Variants in SLC35F3 observed in about 807,000 individuals in gnomAD.
SLC35F3 encodes the protein putative thiamine transporter SLC35F3.
SLC35F3 carries 25 observed loss-of-function variants against 49.9 expected under a neutral mutation model. The observed-to-expected ratio is 0.50, with a 90% confidence interval of 0.37 to 0.70. The LOEUF is 0.70. Ranked by LOEUF, SLC35F3 falls within the 30% of genes least tolerant of loss-of-function variation. The pLI, the probability that SLC35F3 is intolerant of heterozygous loss-of-function variation, is 0.00. For synonymous variants in SLC35F3, 275 were observed against 265.4 expected (o/e 1.04, Z -0.35); for missense variants, 525 against 639.8 (o/e 0.82, Z 1.94).
chr1:234,246,376 C>T (rs1035416517), intron 3 of SLC35F3, among the ~76,000 whole-genome samples: 6 of 152,202 alleles, frequency 3.9e-5, no homozygotes, highest in Admixed American at 1.3e-4. Flanking sequence ...CCCCAGACTT[C>T]AGCTGCAGCA....
chr1:234,140,241 TATCTCATCTCATTTC>T, intron 2 of SLC35F3, among the ~76,000 whole-genome samples: 1 of 152,122 alleles, frequency 6.6e-6, no homozygotes, highest in Non-Finnish European at 1.5e-5. Context: ...CTATGTTATT[TATCTCATCTCATTTC>T]ATCTCATCAC....
At chr1:234,013,954 G>A (rs1663764167) in intron 2 of SLC35F3, among the ~76,000 whole-genome samples, 1 of 151,898 alleles carries the variant, frequency 6.6e-6, no homozygotes, top group South Asian at 2.1e-4. Flanking sequence ...AAATTATGAG[G>A]AAAGCCATAC....
intron 2 of SLC35F3, among the ~76,000 whole-genome samples, chr1:233,941,018 T>C (rs1662411746): frequency 6.6e-6 from 1 of 152,200 alleles, no homozygotes; most frequent in South Asian, 2.1e-4. Flanking sequence ...TTTTCCCCAG[T>C]TGTCACCACT....
intron 2 of SLC35F3, among the ~76,000 whole-genome samples, chr1:233,978,768 G>A (rs1046578468): frequency 1.7e-4 from 22 of 129,638 alleles, no homozygotes; most frequent in Non-Finnish European, 3.8e-4. Context: ...GGTGGCTCAC[G>A]CCTGTAATCC....
At chr1:233,930,466 T>G (rs1662224903) in intron 2 of SLC35F3, among the ~76,000 whole-genome samples, 1 of 152,214 alleles carries the variant, frequency 6.6e-6, no homozygotes, top group Non-Finnish European at 1.5e-5. Context: ...GAACAATTTA[T>G]TCATACGACC....
chr1:234,002,394 C>T (rs1663567271), intron 2 of SLC35F3, among the ~76,000 whole-genome samples: 1 of 152,170 alleles, frequency 6.6e-6, no homozygotes, highest in Non-Finnish European at 1.5e-5. Flanking sequence ...TTCCTCTGAG[C>T]TGTGACAGTG....
At chr1:234,120,208 G>A (rs1484863662) in intron 2 of SLC35F3, among the ~76,000 whole-genome samples, 4 of 152,142 alleles carry the variant, frequency 2.6e-5, no homozygotes, top group Admixed American at 6.5e-5. Flanking sequence ...AATTTCACTC[G>A]GCTTACATTC....
At chr1:234,261,552 G>T (rs1667905612) in intron 3 of SLC35F3, among the ~76,000 whole-genome samples, 1 of 152,150 alleles carries the variant, frequency 6.6e-6, no homozygotes, top group Non-Finnish European at 1.5e-5. Context: ...TGTCACTTTT[G>T]TCACCATCTT....
intron 2 of SLC35F3, among the ~76,000 whole-genome samples, chr1:234,209,893 G>A (rs561618198): frequency 3.0e-4 from 46 of 152,274 alleles, no homozygotes; most frequent in Middle Eastern, 3.4e-3. Flanking sequence ...ATTTGACTCT[G>A]TACACAACAT....
intron 3 of SLC35F3, among the ~76,000 whole-genome samples, chr1:234,254,697 G>A (rs895665420): frequency 8.5e-5 from 13 of 152,212 alleles, no homozygotes; most frequent in African/African-American, 2.9e-4. Flanking sequence ...TCTAAATGGT[G>A]AGAAAAAATT....
chr1:234,073,713 C>T (rs1039959922), intron 2 of SLC35F3, among the ~76,000 whole-genome samples: 8 of 152,186 alleles, frequency 5.3e-5, no homozygotes, highest in Non-Finnish European at 1.0e-4. Flanking sequence ...TTTCATTGTC[C>T]ATATAAAATA....
chr1:234,001,181 G>A (rs754729070), intron 2 of SLC35F3, among the ~76,000 whole-genome samples: 3 of 152,182 alleles, frequency 2.0e-5, no homozygotes, highest in African/African-American at 4.8e-5. Flanking sequence ...AACATCTGTG[G>A]ACCTCAAAGT....
intron 2 of SLC35F3, among the ~76,000 whole-genome samples, chr1:234,203,099 A>C (rs1403741183): frequency 6.6e-6 from 1 of 152,228 alleles, no homozygotes; most frequent in African/African-American, 2.4e-5. Flanking sequence ...GCATGTTCTG[A>C]AAATTTATAT....
chr1:234,177,575 A>T (rs1349018351), intron 2 of SLC35F3, among the ~76,000 whole-genome samples: 1 of 152,198 alleles, frequency 6.6e-6, no homozygotes, highest in Non-Finnish European at 1.5e-5. Context: ...CGGCTTTACT[A>T]CACTTACTGA....
intron 2 of SLC35F3, among the ~76,000 whole-genome samples, chr1:234,139,955 A>AAAATAAAATAAAATAAAAT: frequency 3.3e-5 from 4 of 119,644 alleles, no homozygotes; most frequent in African/African-American, 1.4e-4. Flanking sequence ...TCAAAATAAT[A>AAAATAAAATAAAATAAAAT]AAATAAAATA....
intron 2 of SLC35F3, among the ~76,000 whole-genome samples, chr1:233,950,279 G>A (rs188543187): frequency 2.7e-5 from 4 of 150,696 alleles, no homozygotes; most frequent in South Asian, 2.1e-4. Context: ...CCAGCTACTC[G>A]GGAGGCTGAG....
At chr1:234,197,236 G>A (rs1463398982) in intron 2 of SLC35F3, among the ~76,000 whole-genome samples, 1 of 152,200 alleles carries the variant, frequency 6.6e-6, no homozygotes, top group Non-Finnish European at 1.5e-5. Context: ...GGGAGACAGG[G>A]ACCCTATCAT....
At position 234,027,458 on chromosome 1, in the gene SLC35F3, G is replaced by A. The variant is rs1383508346; in HGVS notation, c.283+121700G>A. On this transcript the variant is annotated intron_variant, in intron 2 of 7. Transcript: ENST00000366618. This position sits in a 1 kb window ranked among gnomAD's most constrained non-coding sequence, Gnocchi z 4.1. ...ATTAAGTTTCGACTTGAGTTTTGGAGGGGACACACATTCAAACCACAGCGA... is the reference window on the plus strand; with the variant it reads ...ATTAAGTTTCGACTTGAGTTTTGGAAGGGACACACATTCAAACCACAGCGA... Among the ~76,000 whole-genome samples the A allele has an allele frequency of 6.6e-6, 1 of 152,208 alleles. No individual in the cohort carries two copies.
At position 234,231,767 on chromosome 1, in the gene SLC35F3, C is replaced by T; in HGVS notation, c.608+26C>T. 1.3e-6 allele frequency: 2 copies of T among 1,570,626 alleles called. No individual in the cohort carries two copies. The highest frequency in any genetic ancestry group is 1.7e-6 in the Non-Finnish European group (2 of 1,153,940). ...GTAGGCGCGTCCTGCATGAGGAGGC[C>T]TCCTGACCCCGGGCTGCTCCATCCA... is the stretch of plus-strand genomic sequence containing the variant. On this transcript the variant is annotated intron_variant, in intron 3 of 7. Coordinates refer to ENST00000366618, the MANE Select transcript of SLC35F3 (RefSeq NM_173508.4). This position sits in a 1 kb window ranked among gnomAD's most constrained non-coding sequence, Gnocchi z 5.4.
Sources: gnomAD v4.1 joint callset for allele counts (sites outside exome capture counted in the v4.1 genomes callset) on GRCh38, gnomAD v4.1.1 for gene constraint, Gnocchi (gnomAD v3.1) non-coding constraint, MANE v1.5 for transcripts, NCBI Gene and HGNC (gene_info 2026-07-23, HGNC 2026-07-21) for gene names.